Variants in TAFA5 observed in about 807,000 individuals in gnomAD.
TAFA5 encodes TAFA chemokine like family member 5, also known as chemokine-like protein TAFA-5.
Under a neutral mutation model 15.3 loss-of-function variants are expected in TAFA5, and 6 were observed. The ratio of observed to expected loss-of-function variants is 0.39; its 90% CI spans 0.21 to 0.77. TAFA5 has a LOEUF of 0.77. TAFA5 is among the 30% of genes least tolerant of loss of function. The probability of loss-of-function intolerance (pLI) is 0.41; values close to 1 mark genes in which losing one functional copy is unlikely to be tolerated. For missense variants in TAFA5, 161 were observed against 193.1 expected, an observed-to-expected ratio of 0.83 and a Z score of 0.98; for synonymous variants, 103 against 80.7, an observed-to-expected ratio of 1.28 and a Z score of -1.48.
chr22:48,679,898 C>A (rs1013153276), intron 2 of TAFA5, among the ~76,000 whole-genome samples: 1 of 152,222 alleles, frequency 6.6e-6, no homozygotes, highest in African/African-American at 2.4e-5. Context: ...GGCAGCTTAG[C>A]CCAGTGGTGA....
At chr22:48,686,012 G>A (rs1017737238) in intron 2 of TAFA5, among the ~76,000 whole-genome samples, 103 of 151,432 alleles carry the variant, frequency 6.8e-4, no homozygotes, top group African/African-American at 2.3e-3. Context: ...CAGGCCCCAC[G>A]TGTGCCCCGG....
At chr22:48,546,729 A>G (rs963972585) in intron 1 of TAFA5, 8 of 395,276 alleles carry the variant, frequency 2.0e-5, no homozygotes, top group Admixed American at 1.1e-4. Flanking sequence ...CATGTTCCAC[A>G]CTCAAATGCC....
At chr22:48,659,393 C>T (rs1239352516) in intron 2 of TAFA5, among the ~76,000 whole-genome samples, 1 of 152,260 alleles carries the variant, frequency 6.6e-6, no homozygotes, top group South Asian at 2.1e-4. Flanking sequence ...AGACAGGAGG[C>T]AGAGAGGCTG....
At chr22:48,681,104 G>A (rs1018612448) in intron 2 of TAFA5, among the ~76,000 whole-genome samples, 9 of 152,234 alleles carry the variant, frequency 5.9e-5, no homozygotes, top group Admixed American at 4.6e-4. Context: ...GGAAGACATC[G>A]TGGTGCAGCA....
At chr22:48,499,727 C>A (rs532231280) in intron 1 of TAFA5, among the ~76,000 whole-genome samples, 57 of 152,344 alleles carry the variant, frequency 3.7e-4, no homozygotes, top group African/African-American at 1.1e-3. Flanking sequence ...TCTGCCACCC[C>A]CAACCTTTGT....
At chr22:48,585,881 T>G (rs1046677545) in intron 1 of TAFA5, among the ~76,000 whole-genome samples, 13 of 151,900 alleles carry the variant, frequency 8.6e-5, no homozygotes, top group African/African-American at 2.9e-4. Flanking sequence ...ACCACATGCA[T>G]GTTATACACA....
At chr22:48,718,163 G>C (rs998593517) in intron 3 of TAFA5, among the ~76,000 whole-genome samples, 1 of 152,208 alleles carries the variant, frequency 6.6e-6, no homozygotes, top group South Asian at 2.1e-4. Flanking sequence ...AGGCAGGCGA[G>C]AGCCGAGGTG....
At chr22:48,499,506 G>C (rs1920941621) in intron 1 of TAFA5, among the ~76,000 whole-genome samples, 1 of 152,150 alleles carries the variant, frequency 6.6e-6, no homozygotes, top group Non-Finnish European at 1.5e-5. Context: ...GCCTAGCACC[G>C]ACGTGCCCTT....
intron 1 of TAFA5, among the ~76,000 whole-genome samples, chr22:48,500,059 G>A (rs554472354): frequency 6.6e-6 from 1 of 152,040 alleles, no homozygotes; most frequent in Non-Finnish European, 1.5e-5. Context: ...CCTTTGCTTG[G>A]TAAGATGAGG....
At chr22:48,747,115 C>T (rs1216424292) in intron 3 of TAFA5, among the ~76,000 whole-genome samples, 3 of 152,324 alleles carry the variant, frequency 2.0e-5, no homozygotes, top group Admixed American at 1.3e-4. Flanking sequence ...CATTCCCGCC[C>T]GGCCCTGCCC....
At chr22:48,592,292 C>T (rs1924597361) in intron 1 of TAFA5, among the ~76,000 whole-genome samples, 1 of 152,204 alleles carries the variant, frequency 6.6e-6, no homozygotes. Flanking sequence ...GAGCCTGCAG[C>T]CCCCCAGGGT....
At chr22:48,586,095 C>G (rs1924349561) in intron 1 of TAFA5, among the ~76,000 whole-genome samples, 1 of 152,270 alleles carries the variant, frequency 6.6e-6, no homozygotes, top group Admixed American at 6.5e-5. Flanking sequence ...CCCTCGCTGG[C>G]TGGGCCTCTG....
At chr22:48,570,988 C>T (rs922795640) in intron 1 of TAFA5, among the ~76,000 whole-genome samples, 7 of 152,130 alleles carry the variant, frequency 4.6e-5, no homozygotes, top group Non-Finnish European at 5.9e-5. Flanking sequence ...TTTCCTTTAT[C>T]CCATATCTCC....
At chr22:48,614,029 C>T (rs1419810711) in intron 1 of TAFA5, among the ~76,000 whole-genome samples, 2 of 152,236 alleles carry the variant, frequency 1.3e-5, no homozygotes, top group Admixed American at 6.5e-5. Context: ...AGCCGTCAGA[C>T]GCCCTGGTTT....
chr22:48,677,151 A>T (rs551764241), intron 2 of TAFA5, among the ~76,000 whole-genome samples: 10 of 152,374 alleles, frequency 6.6e-5, no homozygotes, highest in Middle Eastern at 3.4e-3. Flanking sequence ...TTTCCGGCAC[A>T]GGCCAGCTGC....
intron 2 of TAFA5, among the ~76,000 whole-genome samples, chr22:48,703,173 C>T (rs566059659): frequency 6.6e-6 from 1 of 152,214 alleles, no homozygotes; most frequent in South Asian, 2.1e-4. Flanking sequence ...TGTGTGCCTG[C>T]ATGCCTTTGC....
rs769202732 is a variant in TAFA5, at chr22:48,489,571, C to A, written c.-22C>A. ...GGCTGCTGAGACGCGCTGCTGCCCC[C>A]CGCGCGGGCGCCGCGGCTTCAATGG... On this transcript the variant is annotated 5_prime_UTR_variant, in exon 1 of 4. Coordinates refer to ENST00000402357, the MANE Select transcript of TAFA5 (RefSeq NM_001082967.3). This position sits in a 1 kb window ranked among gnomAD's most constrained non-coding sequence, Gnocchi z 5.5. The A allele has an allele frequency of 3.6e-6, 5 of 1,403,428 alleles. No homozygotes were observed. The East Asian group carries it at 1.4e-4, about 39-fold the overall frequency. The allele number at this position is 1,403,428 out of a possible 1,614,324, so 86.9% of individuals were successfully genotyped here. A position where few individuals can be genotyped will look rare whatever the true frequency, so the allele number is the denominator to read the frequency against.
intron 1 of TAFA5, among the ~76,000 whole-genome samples, chr22:48,526,028 G>T (rs1921770793): frequency 6.6e-6 from 1 of 152,236 alleles, no homozygotes; most frequent in African/African-American, 2.4e-5. Flanking sequence ...ACCAGCCTTG[G>T]CAGGTTTCAC....
Position 48,707,808 on chromosome 22 carries a change from G to T in TAFA5, c.354G>T (p.Thr118=). The T allele has an allele frequency of 1.2e-6, 2 of 1,613,808 alleles. No individual in the cohort carries two copies. The highest frequency in any genetic ancestry group is 1.7e-5 in the Admixed American group (1 of 60,028). The part of the protein sequence containing the change: ...CDLLINRSGW[T]CTQPGGRIKT... Reference sequence around the variant, plus strand: ...TGTTAATCAACCGGTCAGGCTGGACGTGCACGCAGCCCGGCGGGAGGATAA... The same window carrying T: ...TGTTAATCAACCGGTCAGGCTGGACTTGCACGCAGCCCGGCGGGAGGATAA... Residue 118 remains threonine (T), a synonymous_variant, in exon 3 of 4, where the codon ACG becomes ACT. Transcript: ENST00000402357.
Sources: allele counts gnomAD v4.1 joint callset (sites outside exome capture counted in the v4.1 genomes callset), GRCh38; gene constraint gnomAD v4.1.1; non-coding constraint Gnocchi (gnomAD v3.1); transcripts MANE v1.5; gene names NCBI Gene and HGNC (gene_info 2026-07-23, HGNC 2026-07-21).